The following GABBR2 variants were observed in gnomAD, a reference collection of about 807,000 sequenced individuals.
The protein encoded by GABBR2 is G-protein coupled receptor 51.
A neutral mutation model predicts 105.6 loss-of-function variants in GABBR2; 23 were observed. The ratio of observed to expected loss-of-function variants is 0.22; its 90% CI spans 0.16 to 0.31. The LOEUF is 0.31. GABBR2 is among the 10% of genes least tolerant of loss of function. GABBR2 has a pLI of 1.00. For synonymous variants in GABBR2, 478 were observed against 499.7 expected (o/e 0.96, Z 0.58); for missense variants, 734 against 1,245.5 (o/e 0.59, Z 6.18).
chr9:98,323,895 G>A (rs1191185646), intron 13 of GABBR2, among the ~76,000 whole-genome samples: 1 of 152,220 alleles, frequency 6.6e-6, no homozygotes, highest in African/African-American at 2.4e-5. Flanking sequence ...TCAGGACTCT[G>A]TACCACGTGG....
chr9:98,503,204 A>C (rs555372657), intron 3 of GABBR2, among the ~76,000 whole-genome samples: 10 of 152,294 alleles, frequency 6.6e-5, no homozygotes, highest in South Asian at 6.2e-4. Flanking sequence ...GAGGAGCAGC[A>C]TGTGTACTTC....
intron 14 of GABBR2, among the ~76,000 whole-genome samples, chr9:98,309,324 T>A (rs3780445): frequency 6.6e-6 from 1 of 152,182 alleles, no homozygotes; most frequent in Non-Finnish European, 1.5e-5. Context: ...TTTAAAGATG[T>A]CAATATGATT....
At chr9:98,502,370 T>C (rs963707899) in intron 3 of GABBR2, among the ~76,000 whole-genome samples, 2 of 152,142 alleles carry the variant, frequency 1.3e-5, no homozygotes, top group African/African-American at 4.8e-5. Flanking sequence ...TCCTCCCTGC[T>C]CTGAAGCCTG....
chr9:98,503,535 C>A (rs148858094), intron 3 of GABBR2, among the ~76,000 whole-genome samples: 4 of 151,960 alleles, frequency 2.6e-5, no homozygotes, highest in Admixed American at 2.6e-4. Flanking sequence ...AGCAATGGTC[C>A]GGGAGAGGGA....
intron 3 of GABBR2, among the ~76,000 whole-genome samples, chr9:98,514,532 A>G (rs1003991323): frequency 1.1e-4 from 17 of 151,222 alleles, no homozygotes; most frequent in African/African-American, 4.1e-4. Flanking sequence ...CACCATTCTC[A>G]GCAAACTATC....
At chr9:98,354,381 G>A (rs967754306) in intron 13 of GABBR2, among the ~76,000 whole-genome samples, 1 of 152,206 alleles carries the variant, frequency 6.6e-6, no homozygotes, top group African/African-American at 2.4e-5. Context: ...CTGAAACTTT[G>A]AAGCCAGGCA....
Position 98,429,176 on chromosome 9 carries a change from G to A in GABBR2, c.1237-23035C>T, listed in dbSNP as rs561161888. Among the ~76,000 whole-genome samples, 459 of 150,464 alleles carry A rather than the reference G, an allele frequency of 3.1e-3. 6 individuals carry two copies. Among genetic ancestry groups the A allele is most frequent in the African/African-American group, 0.011 (439 of 40,752 alleles). Reference sequence around the variant, plus strand: ...TGTGTTTGAGACAAAGTGTTGCTCCGCTGCCCAGGCTGGAGTGCAGTGGTG... The same window carrying A: ...TGTGTTTGAGACAAAGTGTTGCTCCACTGCCCAGGCTGGAGTGCAGTGGTG... On this transcript the variant is annotated intron_variant, in intron 7 of 18. Coordinates refer to ENST00000259455, the MANE Select transcript of GABBR2 (RefSeq NM_005458.8).
chr9:98,607,300 G>C, intron 1 of GABBR2: 1 of 846,952 alleles, frequency 1.2e-6, no homozygotes, highest in Non-Finnish European at 2.1e-6. Context: ...CCTGATAACG[G>C]TGTAGCGTTG....
At chr9:98,527,824 A>C (rs1054922176) in intron 3 of GABBR2, among the ~76,000 whole-genome samples, 1 of 152,218 alleles carries the variant, frequency 6.6e-6, no homozygotes, top group African/African-American at 2.4e-5. Flanking sequence ...GGTGAAAATG[A>C]AGGCAACTGT....
rs1830279831 is a variant in GABBR2 at position 98,290,282 on chromosome 9, T to TTTTTTTTTTTTTTTTTC, written c.*301_*302insGAAAAAAAAAAAAAAAA. On this transcript the variant is annotated 3_prime_UTR_variant, in exon 19 of 19. Transcript: ENST00000259455. ...TCTAGTTTTTTTGTTTTTTTTTTTT[T>TTTTTTTTTTTTTTTTTC]TTTTTTTTTTTTGCAAGTTTGATAT... 5.5e-6 allele frequency: 1 copy of TTTTTTTTTTTTTTTTTC among 181,124 alleles called. No homozygotes were observed. The highest frequency in any genetic ancestry group is 1.1e-5 in the Non-Finnish European group (1 of 90,084). 11.2% of individuals were successfully genotyped at this position (181,124 alleles called of 1,614,324 possible). A position where few individuals can be genotyped will look rare whatever the true frequency, so the allele number is the denominator to read the frequency against.
chr9:98,687,565 A>G (rs1398749283), intron 1 of GABBR2, among the ~76,000 whole-genome samples: 1 of 152,138 alleles, frequency 6.6e-6, no homozygotes, highest in Non-Finnish European at 1.5e-5. Flanking sequence ...GACTCTGTTG[A>G]GGCCAGAGGC....
chr9:98,299,455 A>G (rs777139713), intron 16 of GABBR2, 102 bp from the exon 17 acceptor site: 18 of 1,227,582 alleles, frequency 1.5e-5, no homozygotes, highest in Non-Finnish European at 2.0e-5. Flanking sequence ...CTTTACCTGT[A>G]TTCAGGAGTG....
chr9:98,419,822 T>C (rs1462597915), intron 7 of GABBR2, among the ~76,000 whole-genome samples: 1 of 152,156 alleles, frequency 6.6e-6, no homozygotes, highest in African/African-American at 2.4e-5. Flanking sequence ...AATGTGGCTC[T>C]GAGTGGAGGA....
At chr9:98,599,510 C>A (rs1829287788) in intron 1 of GABBR2, among the ~76,000 whole-genome samples, 1 of 152,218 alleles carries the variant, frequency 6.6e-6, no homozygotes, top group Non-Finnish European at 1.5e-5. Flanking sequence ...CCAGGGGAAT[C>A]TTAAAGTTTC....
chr9:98,449,459 T>C (rs1826194388), intron 7 of GABBR2, among the ~76,000 whole-genome samples: 1 of 152,186 alleles, frequency 6.6e-6, no homozygotes, highest in Non-Finnish European at 1.5e-5. Context: ...CGTGTGTGTG[T>C]GGCCCCAAGC....
chr9:98,355,309 G>C (rs1831465646), intron 13 of GABBR2, among the ~76,000 whole-genome samples: 1 of 151,836 alleles, frequency 6.6e-6, no homozygotes, highest in African/African-American at 2.4e-5. Flanking sequence ...CACAAAGTGA[G>C]TAAACGCTAT....
At chr9:98,597,915 G>C (rs998838599) in intron 1 of GABBR2, among the ~76,000 whole-genome samples, 1 of 152,100 alleles carries the variant, frequency 6.6e-6, no homozygotes, top group African/African-American at 2.4e-5. Context: ...TGCCTCCCGG[G>C]TTCAAGCCAA....
chr9:98,332,426 G>T (rs372468380), intron 13 of GABBR2, among the ~76,000 whole-genome samples: 1 of 152,136 alleles, frequency 6.6e-6, no homozygotes, highest in Non-Finnish European at 1.5e-5. Context: ...ACTTGAACAT[G>T]TTATCTCAGT....
At chr9:98,462,277 A>G (rs1461942245) in intron 6 of GABBR2, among the ~76,000 whole-genome samples, 1 of 152,214 alleles carries the variant, frequency 6.6e-6, no homozygotes, top group Non-Finnish European at 1.5e-5. Context: ...GCATAAATAT[A>G]CTAATCACAA....
Sources: gnomAD v4.1 joint callset for allele counts (sites outside exome capture counted in the v4.1 genomes callset) on GRCh38, gnomAD v4.1.1 for gene constraint, MANE v1.5 for transcripts, NCBI Gene and HGNC (gene_info 2026-07-23, HGNC 2026-07-21) for gene names.